Variants in MKRN1 observed in about 807,000 individuals in gnomAD.
MKRN1 encodes E3 ubiquitin-protein ligase makorin-1.
A neutral mutation model predicts 55.5 loss-of-function variants in MKRN1; 9 were observed. That is an observed-to-expected ratio of 0.16 (90% CI 0.10 to 0.28). The LOEUF (loss-of-function observed/expected upper bound fraction) is 0.28. Ranked by LOEUF, MKRN1 falls within the 10% of genes least tolerant of loss-of-function variation. The pLI is 1.00. For missense variants in MKRN1, 488 were observed against 626.7 expected, an observed-to-expected ratio of 0.78 and a Z score of 2.36; for synonymous variants, 253 against 235.9, an observed-to-expected ratio of 1.07 and a Z score of -0.66.
intron 5 of MKRN1, 23 bp downstream of exon 5, chr7:140,456,629 T>C: frequency 6.2e-7 from 1 of 1,610,644 alleles, no homozygotes; most frequent in Non-Finnish European, 8.5e-7. Context: ...AAAGCACAAA[T>C]GAAGACTGGG....
intron 2 of MKRN1, among the ~76,000 whole-genome samples, chr7:140,466,851 T>C (rs1794788154): frequency 6.7e-6 from 1 of 149,656 alleles, no homozygotes. Context: ...AAAACTTAGC[T>C]GGAGGTGGTG....
intron 5 of MKRN1, chr7:140,456,113 CTTT>C (rs57991505): frequency 3.2e-4 from 269 of 844,240 alleles, no homozygotes; most frequent in South Asian, 9.2e-4. Context: ...CTAGCCAGTT[CTTT>C]TTTTTTTTTT....
At chr7:140,459,993 T>A in intron 2 of MKRN1, 57 bp from the exon 3 acceptor site, 1 of 1,464,410 alleles carries the variant, frequency 6.8e-7, no homozygotes. Flanking sequence ...AAGCCTGTAA[T>A]CCCAACAGTT....
intron 2 of MKRN1, 73 bp from the exon 3 acceptor site, chr7:140,460,009 A>C: frequency 2.4e-6 from 3 of 1,274,818 alleles, no homozygotes; most frequent in Non-Finnish European, 3.4e-6. Flanking sequence ...CAGTTTGGGA[A>C]GCTGAGGTGG....
At chr7:140,464,661 T>G (rs559641534) in intron 2 of MKRN1, among the ~76,000 whole-genome samples, 2 of 150,946 alleles carry the variant, frequency 1.3e-5, no homozygotes, top group East Asian at 3.9e-4. Context: ...GCCAAGATCG[T>G]GCCATTGCAC....
At chr7:140,466,810 CA>C (rs563645827) in intron 2 of MKRN1, among the ~76,000 whole-genome samples, 938 of 87,088 alleles carry the variant, frequency 0.011, 2 homozygotes, top group South Asian at 0.062. Flanking sequence ...GACTCCGTCT[CA>C]AAAAAAAAAA....
chr7:140,463,651 C>T (rs542265519), intron 2 of MKRN1, among the ~76,000 whole-genome samples: 4 of 152,110 alleles, frequency 2.6e-5, no homozygotes, highest in Admixed American at 2.0e-4. Context: ...TTTGGGAGGC[C>T]AAGGTGGGCG....
rs2130242573 is a variant in MKRN1, at chr7:140,455,775, C to A, written c.1097+15G>T. The stretch of plus-strand genomic sequence containing the variant: ...GTTGGGCTCTTCGCTTGAGAAAAGG[C>A]TGCAGTGCTCATACCTCATTGCCTC... On this transcript the variant is annotated intron_variant, in intron 6 of 7. Coordinates refer to ENST00000255977, the MANE Select transcript of MKRN1 (RefSeq NM_013446.4). 6.3e-7 allele frequency: 1 copy of A among 1,587,358 alleles called. No individual in the cohort carries two copies. Among genetic ancestry groups the A allele is most frequent in the East Asian group, 2.2e-5 (1 of 44,764 alleles).
chr7:140,479,174 T>C lies in MKRN1; in HGVS notation c.171A>G (p.Lys57=). 6.9e-7 allele frequency: 1 copy of C among 1,453,338 alleles called. No individual in the cohort carries two copies. The highest frequency in any genetic ancestry group is 3.0e-5 in the East Asian group (1 of 32,896). 90.0% of individuals were successfully genotyped at this position (1,453,338 alleles called of 1,614,324 possible). A position where few individuals can be genotyped will look rare whatever the true frequency, so the allele number is the denominator to read the frequency against. ...CAACGTCCTACCTGCAGGTGACCTG[T>C]TTAGTCCAGCCGCCGCCGCTGCCGT... ...GSDGSGGGWT[K]QVTCRYFMHG... The change falls in exon 1 of 8, where the codon AAA becomes AAG. Residue 57 remains lysine, a synonymous_variant. Coordinates refer to ENST00000255977, the MANE Select transcript of MKRN1 (RefSeq NM_013446.4).
Position 140,454,483 on chromosome 7 carries a change from G to A in MKRN1, c.*34C>T, listed in dbSNP as rs181454094. 8 of 1,588,408 alleles carry A rather than the reference G, an allele frequency of 5.0e-6. No homozygotes were observed. The East Asian group carries it at 1.6e-4, about 31-fold the overall frequency. ...CCACAGGGGACAGCTGCTGTCTGAG[G>A]TCAGCAGACCAGTTCACACGCCACG... On this transcript the variant is annotated 3_prime_UTR_variant, in exon 8 of 8. Coordinates refer to ENST00000255977, the MANE Select transcript of MKRN1 (RefSeq NM_013446.4).
Position 140,455,082 on chromosome 7 carries a change from CAG to C in MKRN1, c.1236+11_1236+12del, listed in dbSNP as rs777822430. On this transcript the variant is annotated intron_variant, in intron 7 of 7. Coordinates refer to ENST00000255977, the MANE Select transcript of MKRN1 (RefSeq NM_013446.4). ...TGGAATTTCCCCTCCTTTAAAAAAACAGTGAGAGTTACCCGGTATCTGCTTGA... is the reference window on the plus strand; with the variant it reads ...TGGAATTTCCCCTCCTTTAAAAAAACTGAGAGTTACCCGGTATCTGCTTGA... 22 of 1,612,170 alleles carry C rather than the reference CAG, an allele frequency of 1.4e-5. No individual in the cohort carries two copies. The East Asian group carries it at 4.5e-4, about 33-fold the overall frequency.
chr7:140,471,889 C>A lies in MKRN1; in HGVS notation c.308G>T (p.Arg103Leu), dbSNP rs142266018. The A allele has an allele frequency of 1.6e-3, 2,629 of 1,612,988 alleles. 1 individual carries two copies. The highest frequency in any genetic ancestry group is 2.1e-3 in the Non-Finnish European group (2,430 of 1,179,724). Residue 103 changes from arginine (R) to leucine (L), a missense_variant, in exon 2 of 8, where the codon CGC becomes CTC. Transcript: ENST00000255977. ...FQRGYCIYGD[R>L]CRYEHSKPLK... ...TTTATAAACAAATTCTTACCTGCAG[C>A]GGTCTCCATAAATACAGTACCCTCG...
intron 2 of MKRN1, among the ~76,000 whole-genome samples, chr7:140,468,584 C>T (rs536441973): frequency 2.6e-5 from 4 of 151,400 alleles, no homozygotes; most frequent in Non-Finnish European, 5.9e-5. Context: ...GCCTGTAATC[C>T]CAGCTACTCC....
rs144519594 is a variant in MKRN1 at position 140,472,340 on chromosome 7, G to A, written c.186-329C>T. On this transcript the variant is annotated intron_variant, in intron 1 of 7. Coordinates refer to ENST00000255977, the MANE Select transcript of MKRN1 (RefSeq NM_013446.4). ...CCCAGCTACTCAGGAGGCTGAGGCA[G>A]GAGAACTGCTTACACGTGGGAGGCT... The A allele has an allele frequency of 5.2e-3, 1,424 of 272,474 alleles. 55 individuals carry two copies. In the East Asian group the frequency reaches 0.088, roughly 17 times the overall value. 16.9% of individuals were successfully genotyped at this position (272,474 alleles called of 1,614,324 possible).
rs943571830 is a variant in MKRN1, at chr7:140,471,757, A to G, written c.314+126T>C. The G allele has an allele frequency of 1.0e-5, 14 of 1,334,702 alleles. No homozygotes were observed. The South Asian group carries it at 1.6e-4, about 15-fold the overall frequency. The allele number at this position is 1,334,702 out of a possible 1,614,324, so 82.7% of individuals were successfully genotyped here. On this transcript the variant is annotated intron_variant, in intron 2 of 7. Coordinates refer to ENST00000255977, the MANE Select transcript of MKRN1 (RefSeq NM_013446.4). ...AGTGCTGGGATTATAGGCATGAGCCACTGCCCAGCCAAGAGTCATTTTCAA... is the reference window on the plus strand; with the variant it reads ...AGTGCTGGGATTATAGGCATGAGCCGCTGCCCAGCCAAGAGTCATTTTCAA...
chr7:140,472,445 T>TA (rs751309870), intron 1 of MKRN1: 1 of 157,004 alleles, frequency 6.4e-6, no homozygotes, highest in Non-Finnish European at 1.4e-5. Flanking sequence ...AAAAAAAAAA[T>TA]AAAAAGAAGG....
rs562602801 is a variant in MKRN1, at chr7:140,469,319, A to T, written c.314+2564T>A. 4.1e-3 allele frequency among the ~76,000 whole-genome samples: 623 copies of T among 151,432 alleles called. 5 individuals carry two copies. Among genetic ancestry groups the T allele is most frequent in the African/African-American group, 0.014 (563 of 41,294 alleles). On this transcript the variant is annotated intron_variant, in intron 2 of 7. Transcript: ENST00000255977. ...CCAGCCTGGGTGACAGCGAGACTCCATCTCAAAAAAAAAAAAAAATTTACT... is the reference window on the plus strand; with the variant it reads ...CCAGCCTGGGTGACAGCGAGACTCCTTCTCAAAAAAAAAAAAAAATTTACT...
chr7:140,479,408 G>A lies in MKRN1; in HGVS notation c.-64C>T. The A allele has an allele frequency of 8.0e-7, 1 of 1,256,810 alleles. No homozygotes were observed. Among genetic ancestry groups the A allele is most frequent in the African/African-American group, 1.5e-5 (1 of 64,552 alleles). The allele number at this position is 1,256,810 out of a possible 1,614,324, so 77.9% of individuals were successfully genotyped here. On this transcript the variant is annotated 5_prime_UTR_variant, in exon 1 of 8. Coordinates refer to ENST00000255977, the MANE Select transcript of MKRN1 (RefSeq NM_013446.4). The stretch of plus-strand genomic sequence containing the variant: ...GGGATCACATAGTTCCGGTCCGGCT[G>A]CGGGGAGAGGACGGCGAGGCCAGGC...
At position 140,459,016 on chromosome 7, in the gene MKRN1, C is replaced by T. The variant is rs1794542910; in HGVS notation, c.762G>A (p.Gln254=). The T allele has an allele frequency of 1.2e-6, 2 of 1,613,958 alleles. No homozygotes were observed. The highest frequency in any genetic ancestry group is 8.5e-7 in the Non-Finnish European group (1 of 1,179,856). Residue 254 remains glutamine, a synonymous_variant, in exon 4 of 8, where the codon CAG becomes CAA. Coordinates refer to ENST00000255977, the MANE Select transcript of MKRN1 (RefSeq NM_013446.4). ...CTCCCTAAAGACTTACTTTGATATG[C>T]TGCGATCTCTGGGCAGCATCCATTG... The part of the protein sequence containing the change: ...LHPMDAAQRS[Q]HIKSCIEAHE...
Sources: gnomAD v4.1 joint callset for allele counts (sites outside exome capture counted in the v4.1 genomes callset) on GRCh38, gnomAD v4.1.1 for gene constraint, MANE v1.5 for transcripts, NCBI Gene and HGNC (gene_info 2026-07-23, HGNC 2026-07-21) for gene names.